The following HIBCH variants were observed in gnomAD, a reference collection of about 807,000 sequenced individuals.
HIBCH encodes the protein 3-hydroxyisobutyryl-CoA hydrolase, mitochondrial.
HIBCH carries 50 observed loss-of-function variants against 58.2 expected under a neutral mutation model. That is an observed-to-expected ratio of 0.86 (90% CI 0.68 to 1.09). HIBCH has a LOEUF of 1.09. Ranked by LOEUF, HIBCH falls within the 50% of genes least tolerant of loss-of-function variation. The probability of loss-of-function intolerance (pLI) is 0.00; values close to 1 mark genes in which losing one functional copy is unlikely to be tolerated. For missense variants in HIBCH, 450 were observed against 449.7 expected, an observed-to-expected ratio of 1.00 and a Z score of -0.01; for synonymous variants, 151 against 146.9, an observed-to-expected ratio of 1.03 and a Z score of -0.20.
rs540786100 is a variant in HIBCH, at chr2:190,226,957, T to C, written c.892-13882A>G. ...TACAAACAAATGGAAGAACATTCCATGCTCATGGATGGGAAGAATCAATAT... is the reference window on the plus strand; with the variant it reads ...TACAAACAAATGGAAGAACATTCCACGCTCATGGATGGGAAGAATCAATAT... On this transcript the variant is annotated intron_variant, in intron 11 of 13. Coordinates refer to ENST00000359678, the MANE Select transcript of HIBCH (RefSeq NM_014362.4). Among the ~76,000 whole-genome samples the C allele has an allele frequency of 6.3e-3, 957 of 152,312 alleles. 5 individuals carry two copies. The highest frequency in any genetic ancestry group is 0.011 in the Non-Finnish European group (736 of 68,038).
At chr2:190,225,927 C>G (rs1393340263) in intron 11 of HIBCH, among the ~76,000 whole-genome samples, 15 of 152,198 alleles carry the variant, frequency 9.9e-5, no homozygotes, top group Admixed American at 9.8e-4. Context: ...CCACCATGAT[C>G]AAGTTGGCTT....
intron 7 of HIBCH, among the ~76,000 whole-genome samples, chr2:190,260,671 T>C (rs1278145510): frequency 6.6e-6 from 1 of 152,176 alleles, no homozygotes; most frequent in Non-Finnish European, 1.5e-5. Flanking sequence ...TTGACATCTA[T>C]AGACAACTAT....
intron 6 of HIBCH, among the ~76,000 whole-genome samples, chr2:190,266,175 A>G (rs1687229495): frequency 6.6e-6 from 1 of 152,118 alleles, no homozygotes; most frequent in South Asian, 2.1e-4. Flanking sequence ...TCCAAGGCCT[A>G]TTTTGGCAAG....
intron 6 of HIBCH, among the ~76,000 whole-genome samples, chr2:190,267,019 A>G (rs1258715175): frequency 6.6e-6 from 1 of 152,108 alleles, no homozygotes; most frequent in Non-Finnish European, 1.5e-5. Context: ...GGCCTCCCAA[A>G]ATGCTGGGAT....
intron 4 of HIBCH, among the ~76,000 whole-genome samples, chr2:190,291,710 A>C (rs1366708327): frequency 6.6e-6 from 1 of 152,224 alleles, no homozygotes; most frequent in Non-Finnish European, 1.5e-5. Flanking sequence ...AATAGTGAAC[A>C]CTATCAAATG....
intron 10 of HIBCH, chr2:190,245,441 TAAAA>T (rs925968347): frequency 6.6e-6 from 1 of 152,408 alleles, no homozygotes; most frequent in Non-Finnish European, 1.4e-5. Context: ...CTTCTCCACT[TAAAA>T]AAAAAAGATA....
At chr2:190,293,921 GA>G (rs1002958852) in intron 4 of HIBCH, among the ~76,000 whole-genome samples, 68 of 150,182 alleles carry the variant, frequency 4.5e-4, no homozygotes, top group African/African-American at 1.6e-3. Context: ...AGACTGACCT[GA>G]ACAATTATGA....
At chr2:190,283,957 T>C (rs979306327) in intron 6 of HIBCH, among the ~76,000 whole-genome samples, 13 of 152,200 alleles carry the variant, frequency 8.5e-5, no homozygotes, top group African/African-American at 3.1e-4. Flanking sequence ...CAAATTAACA[T>C]GACTCAGAAT....
At chr2:190,253,506 C>T (rs1207846190) in intron 7 of HIBCH, among the ~76,000 whole-genome samples, 1 of 152,152 alleles carries the variant, frequency 6.6e-6, no homozygotes, top group African/African-American at 2.4e-5. Flanking sequence ...CACAATCTTC[C>T]TCCAGCATCA....
chr2:190,204,983 T>C lies in HIBCH; in HGVS notation c.*134A>G. On this transcript the variant is annotated 3_prime_UTR_variant, in exon 14 of 14. Coordinates refer to ENST00000359678, the MANE Select transcript of HIBCH (RefSeq NM_014362.4). The stretch of plus-strand genomic sequence containing the variant: ...ATGAATTATTAGTCTTTGATTTCTT[T>C]TCCCAACCATTTAAAAATGCGGAAA... The C allele has an allele frequency of 1.5e-6, 1 of 672,020 alleles. No homozygotes were observed. Among genetic ancestry groups the C allele is most frequent in the East Asian group, 2.7e-5 (1 of 36,654 alleles). 41.6% of individuals were successfully genotyped at this position (672,020 alleles called of 1,614,324 possible). A position where few individuals can be genotyped will look rare whatever the true frequency, so the allele number is the denominator to read the frequency against.
intron 11 of HIBCH, among the ~76,000 whole-genome samples, chr2:190,239,646 A>ATTTTTT (rs1686390100): frequency 7.8e-6 from 1 of 127,788 alleles, no homozygotes; most frequent in African/African-American, 3.2e-5. Context: ...AGTGGTTTGT[A>ATTTTTT]GTTTTTTTTT....
intron 1 of HIBCH, among the ~76,000 whole-genome samples, chr2:190,190,221 A>G (rs1483065099): frequency 6.6e-6 from 1 of 152,190 alleles, no homozygotes; most frequent in African/African-American, 2.4e-5. Context: ...CCTCTTCCAA[A>G]CAGTCCTTAC....
At chr2:190,284,388 A>G (rs1264679309) in intron 6 of HIBCH, among the ~76,000 whole-genome samples, 1 of 152,222 alleles carries the variant, frequency 6.6e-6, no homozygotes, top group Non-Finnish European at 1.5e-5. Context: ...TGTAAAAAAA[A>G]AATGGAAGTT....
At chr2:190,208,763 T>G in intron 13 of HIBCH, 117 bp downstream of exon 13, 1 of 836,056 alleles carries the variant, frequency 1.2e-6, no homozygotes, top group Non-Finnish European at 2.0e-6. Context: ...TAGTTTCAGA[T>G]TTTGGTACAT....
intron 2 of HIBCH, among the ~76,000 whole-genome samples, chr2:190,300,419 T>C (rs926933409): frequency 1.3e-5 from 2 of 152,152 alleles, no homozygotes; most frequent in Non-Finnish European, 2.9e-5. Flanking sequence ...TGATCAGTGA[T>C]ACTGAGCTTT....
chr2:190,222,778 C>A (rs6434381), intron 11 of HIBCH, among the ~76,000 whole-genome samples: 1 of 152,018 alleles, frequency 6.6e-6, no homozygotes, highest in Non-Finnish European at 1.5e-5. Flanking sequence ...TGGGTATATA[C>A]CCAAAGGATT....
rs369232582 is a variant in HIBCH, at chr2:190,244,986, G to C, written c.810-18C>G. The C allele has an allele frequency of 2.1e-6, 3 of 1,444,880 alleles. No homozygotes were observed. Among genetic ancestry groups the C allele is most frequent in the African/African-American group, 2.8e-5 (2 of 71,678 alleles). The allele number at this position is 1,444,880 out of a possible 1,614,324, so 89.5% of individuals were successfully genotyped here. On this transcript the variant is annotated intron_variant, in intron 10 of 13. Coordinates refer to ENST00000359678, the MANE Select transcript of HIBCH (RefSeq NM_014362.4). ...AAAAACAACTATAAAAAAAGGAAATGTGATTTCACCAATGTGTAAGTGATT... is the reference window on the plus strand; with the variant it reads ...AAAAACAACTATAAAAAAAGGAAATCTGATTTCACCAATGTGTAAGTGATT...
intron 11 of HIBCH, among the ~76,000 whole-genome samples, chr2:190,222,543 G>C (rs1042058506): frequency 6.6e-6 from 1 of 152,132 alleles, no homozygotes; most frequent in East Asian, 1.9e-4. Context: ...CTGGTCATTA[G>C]AGAAATACAA....
rs1027713580 is a variant in HIBCH at position 190,210,767 on chromosome 2, A to T, written c.1012-1854T>A. 4.6e-5 allele frequency among the ~76,000 whole-genome samples: 7 copies of T among 152,040 alleles called. No homozygotes were observed. The highest frequency in any genetic ancestry group is 1.7e-4 in the African/African-American group (7 of 41,366). ...ACAGGCAGTCATGCTCCAGCCTCAC[A>T]GCTTTGTTCTTGCAGTTCCCACTGC... is the stretch of plus-strand genomic sequence containing the variant. On this transcript the variant is annotated intron_variant, in intron 12 of 13. Coordinates refer to ENST00000359678, the MANE Select transcript of HIBCH (RefSeq NM_014362.4). The surrounding 1 kb of genome is among the most constrained non-coding windows in gnomAD (Gnocchi z 5.5).
Sources: gnomAD v4.1 joint callset for allele counts (sites outside exome capture counted in the v4.1 genomes callset) on GRCh38, gnomAD v4.1.1 for gene constraint, Gnocchi (gnomAD v3.1) non-coding constraint, MANE v1.5 for transcripts, NCBI Gene and HGNC (gene_info 2026-07-23, HGNC 2026-07-21) for gene names.